The following DCAF5 variants were observed in gnomAD, a reference collection of about 807,000 sequenced individuals.
DCAF5 encodes the protein DDB1- and CUL4-associated factor 5.
A neutral mutation model predicts 80.7 loss-of-function variants in DCAF5; 9 were observed. The observed-to-expected ratio is 0.11, with a 90% CI of 0.07 to 0.19. The LOEUF (loss-of-function observed/expected upper bound fraction) is 0.19. Among genes scored for constraint, DCAF5 ranks in the 10% least tolerant of loss-of-function variants. DCAF5 has a pLI of 1.00. For synonymous variants in DCAF5, 433 were observed against 461.9 expected, an observed-to-expected ratio of 0.94 and a Z score of 0.80; for missense variants, 842 against 1,205.7, an observed-to-expected ratio of 0.70 and a Z score of 4.47.
intron 7 of DCAF5, among the ~76,000 whole-genome samples, chr14:69,070,964 A>G (rs1052897797): frequency 6.6e-6 from 1 of 151,832 alleles, no homozygotes; most frequent in Admixed American, 6.6e-5. Context: ...CACCTGGCTA[A>G]TTTTTGAATT....
At chr14:69,111,601 G>C (rs994074166) in intron 5 of DCAF5, among the ~76,000 whole-genome samples, 1 of 152,196 alleles carries the variant, frequency 6.6e-6, no homozygotes, top group African/African-American at 2.4e-5. Context: ...GAGACAAGTA[G>C]AGTGAGAGCA....
At chr14:69,091,959 T>A in intron 5 of DCAF5, 72 bp from the exon 6 acceptor site, 1 of 1,323,192 alleles carries the variant, frequency 7.6e-7, no homozygotes, top group South Asian at 1.3e-5. Flanking sequence ...CATGTTTGCC[T>A]ATGACCTCCT....
At chr14:69,143,553 CTTTT>C (rs562355110) in intron 1 of DCAF5, among the ~76,000 whole-genome samples, 1 of 102,174 alleles carries the variant, frequency 9.8e-6, no homozygotes, top group Non-Finnish European at 1.9e-5. Flanking sequence ...ATCTGTTAAA[CTTTT>C]TTTTTTTTTT....
rs565689694 is a variant in DCAF5 at position 69,107,637 on chromosome 14, GCT to G, written c.665+8727_665+8728del. On this transcript the variant is annotated intron_variant, in intron 5 of 8. Coordinates refer to ENST00000341516, the MANE Select transcript of DCAF5 (RefSeq NM_003861.3). ...CAAAGCAACTTCACCAGAATACCTGGCTCTCTGCCACATAACTAATTGACGGT... is the reference window on the plus strand; with the variant it reads ...CAAAGCAACTTCACCAGAATACCTGGCTCTGCCACATAACTAATTGACGGT... 3.9e-3 allele frequency among the ~76,000 whole-genome samples: 596 copies of G among 152,240 alleles called. 6 individuals carry two copies. The highest frequency in any genetic ancestry group is 0.014 in the African/African-American group (575 of 41,530).
chr14:69,113,351 G>A (rs2040434873), intron 5 of DCAF5, among the ~76,000 whole-genome samples: 1 of 152,044 alleles, frequency 6.6e-6, no homozygotes, highest in Non-Finnish European at 1.5e-5. Context: ...TAAAACCTAG[G>A]GTAATCAGAA....
chr14:69,118,348 G>GAGTCCCA lies in DCAF5; in HGVS notation c.396-71_396-70insTGGGACT. ...GCATAGTGCAGAGTCCCAGCACTTT[G>GAGTCCCA]GTACCGAGGGTGCCATCTTTTCCAT... On this transcript the variant is annotated intron_variant, in intron 3 of 8. Coordinates refer to ENST00000341516, the MANE Select transcript of DCAF5 (RefSeq NM_003861.3). This position sits in a 1 kb window ranked among gnomAD's most constrained non-coding sequence, Gnocchi z 4.0. 5 of 1,446,842 alleles carry GAGTCCCA rather than the reference G, an allele frequency of 3.5e-6. No homozygotes were observed. In the South Asian group the frequency reaches 7.8e-5, roughly 23 times the overall value. 89.6% of individuals were successfully genotyped at this position (1,446,842 alleles called of 1,614,324 possible).
At chr14:69,139,314 T>G (rs377210701) in intron 1 of DCAF5, among the ~76,000 whole-genome samples, 5 of 150,342 alleles carry the variant, frequency 3.3e-5, no homozygotes, top group African/African-American at 1.2e-4. Flanking sequence ...AGAGACCTTG[T>G]CTCTACGAAA....
chr14:69,131,893 C>T (rs1004362595), intron 1 of DCAF5, among the ~76,000 whole-genome samples: 17 of 152,042 alleles, frequency 1.1e-4, no homozygotes, highest in African/African-American at 3.9e-4. Flanking sequence ...CCACTGACAA[C>T]TGCCATTCTC....
chr14:69,095,405 A>G (rs561381407), intron 5 of DCAF5, among the ~76,000 whole-genome samples: 1 of 152,354 alleles, frequency 6.6e-6, no homozygotes, highest in Admixed American at 6.5e-5. Context: ...ATTTGCTATA[A>G]AACACAAGAA....
intron 5 of DCAF5, among the ~76,000 whole-genome samples, chr14:69,110,724 A>C (rs1210291594): frequency 6.6e-6 from 1 of 151,916 alleles, no homozygotes; most frequent in Non-Finnish European, 1.5e-5. Flanking sequence ...AGAAACATTT[A>C]AAAATTAGCC....
At position 69,152,523 on chromosome 14, in the gene DCAF5, C is replaced by A; in HGVS notation, c.214+242G>T. The A allele has an allele frequency of 1.9e-6, 1 of 540,156 alleles. No homozygotes were observed. Among genetic ancestry groups the A allele is most frequent in the South Asian group, 2.2e-5 (1 of 46,460 alleles). The allele number at this position is 540,156 out of a possible 1,614,324, so 33.5% of individuals were successfully genotyped here. A position where few individuals can be genotyped will look rare whatever the true frequency, so the allele number is the denominator to read the frequency against. Reference sequence around the variant, plus strand: ...GCAGGCATCAGGAGAGATCACTTTGCACTTGGGATAAAGCGAATTAAGGAG... The same window carrying A: ...GCAGGCATCAGGAGAGATCACTTTGAACTTGGGATAAAGCGAATTAAGGAG... On this transcript the variant is annotated intron_variant, in intron 1 of 8. Transcript: ENST00000341516. The surrounding 1 kb of genome is among the most constrained non-coding windows in gnomAD (Gnocchi z 4.1).
intron 1 of DCAF5, among the ~76,000 whole-genome samples, chr14:69,137,005 C>T (rs961587982): frequency 6.6e-6 from 1 of 152,108 alleles, no homozygotes; most frequent in Non-Finnish European, 1.5e-5. Context: ...CAAATATTAA[C>T]AATGGTCATC....
chr14:69,120,466 CT>C (rs1341474424), intron 2 of DCAF5, among the ~76,000 whole-genome samples: 1 of 152,072 alleles, frequency 6.6e-6, no homozygotes, highest in Non-Finnish European at 1.5e-5. Context: ...AAGTTTTAAT[CT>C]TGTATTTCTC....
At chr14:69,079,337 A>T (rs1178273336) in intron 6 of DCAF5, among the ~76,000 whole-genome samples, 1 of 152,188 alleles carries the variant, frequency 6.6e-6, no homozygotes, top group Non-Finnish European at 1.5e-5. Flanking sequence ...AGCTCCTAAA[A>T]TATGCAGAAA....
At chr14:69,099,843 A>G (rs1164702266) in intron 5 of DCAF5, among the ~76,000 whole-genome samples, 3 of 152,180 alleles carry the variant, frequency 2.0e-5, no homozygotes, top group African/African-American at 7.2e-5. Flanking sequence ...GCTACTCAGA[A>G]GGCTGAGGTG....
At chr14:69,105,772 A>G (rs1379239915) in intron 5 of DCAF5, among the ~76,000 whole-genome samples, 1 of 150,798 alleles carries the variant, frequency 6.6e-6, no homozygotes, top group Non-Finnish European at 1.5e-5. Context: ...CATCAGACTG[A>G]AGCCTCTACT....
chr14:69,067,740 G>A (rs2038516776), intron 7 of DCAF5, among the ~76,000 whole-genome samples: 2 of 151,180 alleles, frequency 1.3e-5, no homozygotes, highest in African/African-American at 4.9e-5. Flanking sequence ...CAGTTCAAGC[G>A]ATTCTCCTGC....
At position 69,118,285 on chromosome 14, in the gene DCAF5, G is replaced by C. The variant is rs756647710; in HGVS notation, c.396-7C>G. 7 of 1,613,352 alleles carry C rather than the reference G, an allele frequency of 4.3e-6. No individual in the cohort carries two copies. ...CACGTCCAATGTCTCACTGCTGGGA[G>C]ATAAGAGAGCAAGACAGAGGCACAC... On this transcript the variant is annotated splice_region_variant and splice_polypyrimidine_tract_variant and intron_variant, in intron 3 of 8. Transcript: ENST00000341516. The surrounding 1 kb of genome is among the most constrained non-coding windows in gnomAD (Gnocchi z 4.0).
Position 69,090,207 on chromosome 14 carries a change from T to C in DCAF5, c.879+1467A>G, listed in dbSNP as rs1350226522. On this transcript the variant is annotated intron_variant, in intron 6 of 8. Coordinates refer to ENST00000341516, the MANE Select transcript of DCAF5 (RefSeq NM_003861.3). Reference sequence around the variant, plus strand: ...AAAAGGAAGAGAGGGAGAGACTTGATTGTCATTTCCACAGCCAGACAAAGC... The same window carrying C: ...AAAAGGAAGAGAGGGAGAGACTTGACTGTCATTTCCACAGCCAGACAAAGC... The C allele has an allele frequency of 5.8e-6, 4 of 687,726 alleles. No individual in the cohort carries two copies. The East Asian group carries it at 4.0e-4, about 69-fold the overall frequency. The allele number at this position is 687,726 out of a possible 1,614,324, so 42.6% of individuals were successfully genotyped here.
Sources: allele counts gnomAD v4.1 joint callset (sites outside exome capture counted in the v4.1 genomes callset), GRCh38; gene constraint gnomAD v4.1.1; non-coding constraint Gnocchi (gnomAD v3.1); transcripts MANE v1.5; gene names NCBI Gene and HGNC (gene_info 2026-07-23, HGNC 2026-07-21).